DCLK1: variants seen among roughly 807,000 people sequenced by gnomAD.
DCLK1 encodes serine/threonine-protein kinase DCLK1.
In DCLK1, 16 loss-of-function variants were observed where a neutral mutation model predicts 86.2. The observed-to-expected ratio is 0.19, with a 90% CI of 0.13 to 0.28. The LOEUF (loss-of-function observed/expected upper bound fraction) is 0.28, where lower values mean the gene tolerates loss of function less well. Ranked by LOEUF, DCLK1 falls within the 10% of genes least tolerant of loss-of-function variation. The pLI, the probability that DCLK1 is intolerant of heterozygous loss-of-function variation, is 1.00. For missense variants in DCLK1, 590 were observed against 940.2 expected (o/e 0.63, Z 4.87); for synonymous variants, 369 against 370.5 (o/e 1.00, Z 0.05).
intron 3 of DCLK1, among the ~76,000 whole-genome samples, chr13:36,004,466 G>A (rs1444715136): frequency 6.6e-6 from 1 of 152,006 alleles, no homozygotes; most frequent in Non-Finnish European, 1.5e-5. Context: ...GGCTGGGGTG[G>A]GGGAAAAGAA....
At chr13:35,968,304 T>C (rs535612970) in intron 3 of DCLK1, among the ~76,000 whole-genome samples, 2 of 152,258 alleles carry the variant, frequency 1.3e-5, no homozygotes, top group African/African-American at 2.4e-5. Flanking sequence ...GTTCTGGAGA[T>C]GGATGATGGT....
At chr13:35,784,597 C>G (rs1593585396) in intron 16 of DCLK1, among the ~76,000 whole-genome samples, 1 of 152,212 alleles carries the variant, frequency 6.6e-6, no homozygotes. Context: ...TGAGACTTCT[C>G]TCTAATCACA....
chr13:35,918,296 C>T (rs535514746), intron 4 of DCLK1, among the ~76,000 whole-genome samples: 2 of 152,242 alleles, frequency 1.3e-5, no homozygotes, highest in East Asian at 3.9e-4. Context: ...ATATGTTTGT[C>T]AGAGGTGGTT....
At chr13:35,871,965 A>G (rs1872299952) in intron 4 of DCLK1, among the ~76,000 whole-genome samples, 2 of 152,208 alleles carry the variant, frequency 1.3e-5, no homozygotes, top group South Asian at 4.1e-4. Context: ...TGTCTGTGAA[A>G]TGGTTTGTGG....
At chr13:35,988,770 T>C (rs1214735305) in intron 3 of DCLK1, among the ~76,000 whole-genome samples, 1 of 152,216 alleles carries the variant, frequency 6.6e-6, no homozygotes, top group African/African-American at 2.4e-5. Context: ...CGAAGGAAAG[T>C]TGCCCATGTT....
At chr13:36,013,766 C>T (rs1246794291) in intron 3 of DCLK1, among the ~76,000 whole-genome samples, 1 of 152,222 alleles carries the variant, frequency 6.6e-6, no homozygotes, top group Admixed American at 6.5e-5. Flanking sequence ...CCAGTTCGAG[C>T]TTCCTGGCTG....
At chr13:36,041,096 T>C (rs1882687428) in intron 3 of DCLK1, among the ~76,000 whole-genome samples, 1 of 152,120 alleles carries the variant, frequency 6.6e-6, no homozygotes, top group South Asian at 2.1e-4. Context: ...ATCCAGGTAT[T>C]ATATGTGTTC....
At chr13:35,999,477 C>T (rs1015145897) in intron 3 of DCLK1, among the ~76,000 whole-genome samples, 41 of 152,152 alleles carry the variant, frequency 2.7e-4, no homozygotes, top group Admixed American at 2.0e-4. Context: ...TTCCTTCTCT[C>T]TTTTTGTCTC....
At chr13:35,883,850 T>C (rs1424051595) in intron 4 of DCLK1, among the ~76,000 whole-genome samples, 1 of 152,166 alleles carries the variant, frequency 6.6e-6, no homozygotes, top group Non-Finnish European at 1.5e-5. Flanking sequence ...GCTCCTTGTG[T>C]ATGTACTGAC....
At chr13:35,827,849 G>C in intron 9 of DCLK1, 95 bp from the exon 10 acceptor site, 1 of 1,453,826 alleles carries the variant, frequency 6.9e-7, no homozygotes, top group Non-Finnish European at 9.3e-7. Context: ...GGTCAAGAGA[G>C]ATGCATTTTG....
chr13:35,886,333 C>A (rs964470926), intron 4 of DCLK1, among the ~76,000 whole-genome samples: 18 of 152,032 alleles, frequency 1.2e-4, no homozygotes, highest in African/African-American at 4.3e-4. Context: ...AGAAAACTTT[C>A]ATTTCTTTCC....
chr13:36,045,377 T>C lies in DCLK1; in HGVS notation c.723+66492A>G, dbSNP rs9575174. Among the ~76,000 whole-genome samples, 857 of 125,024 alleles carry C rather than the reference T, an allele frequency of 6.9e-3. 22 individuals carry two copies. Among genetic ancestry groups the C allele is most frequent in the East Asian group, 0.015 (57 of 3,796 alleles). 82.0% of individuals were successfully genotyped at this position (125,024 alleles called of 152,430 possible). A position where few individuals can be genotyped will look rare whatever the true frequency, so the allele number is the denominator to read the frequency against. On this transcript the variant is annotated intron_variant, in intron 3 of 16. Coordinates refer to ENST00000360631, the MANE Select transcript of DCLK1 (RefSeq NM_001330071.2). ...ATATATATATATATATATATATATA[T>C]TTCAAGGTAAATTGCTAACATCAGT...
intron 4 of DCLK1, among the ~76,000 whole-genome samples, chr13:35,887,719 G>A (rs887954987): frequency 2.0e-5 from 3 of 151,964 alleles, no homozygotes; most frequent in Admixed American, 6.6e-5. Flanking sequence ...CATGTAGCTA[G>A]ATTGTTTTCT....
At chr13:35,805,889 A>C (rs2153102000) in intron 14 of DCLK1, 110 bp from the exon 15 acceptor site, 1 of 877,668 alleles carries the variant, frequency 1.1e-6, no homozygotes, top group Non-Finnish European at 1.7e-6. Flanking sequence ...TAAAAGCTCT[A>C]AATCTTAAAT....
chr13:36,046,073 A>T (rs949253961), intron 3 of DCLK1, among the ~76,000 whole-genome samples: 2 of 148,192 alleles, frequency 1.3e-5, no homozygotes, highest in African/African-American at 2.5e-5. Context: ...AAGAATATCT[A>T]AAAAAAAAAC....
At chr13:36,054,949 C>T (rs1883249598) in intron 3 of DCLK1, among the ~76,000 whole-genome samples, 1 of 152,148 alleles carries the variant, frequency 6.6e-6, no homozygotes, top group African/African-American at 2.4e-5. Context: ...AATCCTGCCA[C>T]ACTATGCGTT....
chr13:35,844,352 G>C (rs908976750), intron 6 of DCLK1, among the ~76,000 whole-genome samples: 2 of 152,172 alleles, frequency 1.3e-5, no homozygotes, highest in South Asian at 4.1e-4. Context: ...GAAACCACGA[G>C]AGCCAAGATT....
chr13:35,906,648 A>T (rs1350389911), intron 4 of DCLK1, among the ~76,000 whole-genome samples: 1 of 152,214 alleles, frequency 6.6e-6, no homozygotes, highest in Admixed American at 6.5e-5. Flanking sequence ...TTACAGATAA[A>T]GTCTGGAAAT....
intron 4 of DCLK1, among the ~76,000 whole-genome samples, chr13:35,919,261 A>G (rs1241545339): frequency 1.3e-5 from 2 of 151,772 alleles, no homozygotes; most frequent in Non-Finnish European, 2.9e-5. Context: ...TTCATTCTGG[A>G]GCTAGCAGAT....
Sources: gnomAD v4.1 joint callset for allele counts (sites outside exome capture counted in the v4.1 genomes callset) on GRCh38, gnomAD v4.1.1 for gene constraint, MANE v1.5 for transcripts, NCBI Gene and HGNC (gene_info 2026-07-23, HGNC 2026-07-21) for gene names.